The following UIMC1 variants were observed in gnomAD, a reference collection of about 807,000 sequenced individuals.
UIMC1 encodes the protein BRCA1-A complex subunit RAP80.
Under a neutral mutation model 84.9 loss-of-function variants are expected in UIMC1, and 42 were observed. The ratio of observed to expected loss-of-function variants is 0.49; its 90% CI spans 0.39 to 0.64. UIMC1 has a LOEUF of 0.64. Ranked by LOEUF, UIMC1 falls within the 30% of genes least tolerant of loss-of-function variation. The pLI is 0.00. For synonymous variants in UIMC1, 281 were observed against 293.0 expected (o/e 0.96, Z 0.42); for missense variants, 825 against 847.6 (o/e 0.97, Z 0.33).
In UIMC1 at chr5:176,906,032, G is replaced by A. The variant is rs564538998; in HGVS notation, c.1928C>T (p.Ser643Phe). Residue 643 changes from serine (S) to phenylalanine (F), a missense_variant, in exon 14 of 15, where the codon TCT (serine) becomes TTT (phenylalanine). By Grantham distance (155) the Ser-to-Phe change is radical. Coordinates refer to ENST00000511320, the MANE Select transcript of UIMC1 (RefSeq NM_001199298.2). ...TCACCTGAAGGCTCCTGTTTCTGAAGACTTGATGTCTGCATCTGTGATATA... is the reference window on the plus strand; with the variant it reads ...TCACCTGAAGGCTCCTGTTTCTGAAAACTTGATGTCTGCATCTGTGATATA... ...EHKTSDADIKSSETGAFRVPS... is the reference protein window; with the variant it reads ...EHKTSDADIKFSETGAFRVPS... 96 of 1,613,922 alleles carry A rather than the reference G, an allele frequency of 5.9e-5. No homozygotes were observed. Among genetic ancestry groups the A allele is most frequent in the Middle Eastern group, 1.6e-4 (1 of 6,084 alleles).
At chr5:177,002,999 T>C (rs189193789) in intron 1 of UIMC1, among the ~76,000 whole-genome samples, 1 of 151,990 alleles carries the variant, frequency 6.6e-6, no homozygotes, top group African/African-American at 2.4e-5. Context: ...AACTGCTGCT[T>C]GATACAGGAT....
In UIMC1 at chr5:176,968,796, A is replaced by G. The variant is rs367931817; in HGVS notation, c.959T>C (p.Phe320Ser). ...AGGTCTAGGTAACACTGGTTCCCCA[A>G]AACCTTTTTTATTAAGGAGCTGCCT... ...AQRQLLNKKG[F>S]GEPVLPRPPS... Residue 320 changes from phenylalanine (F) to serine (S), a missense_variant, in exon 6 of 15, where the codon TTT (phenylalanine) becomes TCT (serine). Phe to Ser is a radical substitution (Grantham distance 155). Coordinates refer to ENST00000511320, the MANE Select transcript of UIMC1 (RefSeq NM_001199298.2). 1 of 1,614,050 alleles carries G rather than the reference A, an allele frequency of 6.2e-7. No homozygotes were observed. The highest frequency in any genetic ancestry group is 8.5e-7 in the Non-Finnish European group (1 of 1,180,036).
At chr5:177,016,940 TTGAACCCA>T (rs1237327218) in intron 1 of UIMC1, among the ~76,000 whole-genome samples, 1 of 151,510 alleles carries the variant, frequency 6.6e-6, no homozygotes, top group Non-Finnish European at 1.5e-5. Flanking sequence ...GGAGAATCAC[TTGAACCCA>T]GGAGGCAGAG....
At chr5:176,965,473 T>TAA (rs1393634273) in intron 6 of UIMC1, among the ~76,000 whole-genome samples, 1 of 152,072 alleles carries the variant, frequency 6.6e-6, no homozygotes, top group Non-Finnish European at 1.5e-5. Context: ...AGTCCTCTTT[T>TAA]AATTTTTTTA....
chr5:177,021,141 C>T (rs1775800121), intron 1 of UIMC1, among the ~76,000 whole-genome samples: 2 of 151,942 alleles, frequency 1.3e-5, no homozygotes, highest in South Asian at 4.1e-4. Flanking sequence ...AGCTGGGTGC[C>T]GTGGCATGTG....
chr5:176,960,644 CG>C, intron 6 of UIMC1, among the ~76,000 whole-genome samples: 1 of 30,062 alleles, frequency 3.3e-5, no homozygotes, highest in Admixed American at 2.0e-4. Context: ...TCTCCGTCTC[CG>C]TCTCCGTCTC....
At chr5:176,994,204 T>G (rs1773271782) in intron 1 of UIMC1, among the ~76,000 whole-genome samples, 2 of 150,024 alleles carry the variant, frequency 1.3e-5, no homozygotes, top group Non-Finnish European at 3.0e-5. Flanking sequence ...AGACCCTATC[T>G]CAAAAGAAAA....
chr5:176,986,703 T>C (rs1277692699), intron 1 of UIMC1, among the ~76,000 whole-genome samples: 1 of 152,030 alleles, frequency 6.6e-6, no homozygotes, highest in African/African-American at 2.4e-5. Flanking sequence ...TAGCTCAGCA[T>C]GGTGGCATGC....
intron 1 of UIMC1, among the ~76,000 whole-genome samples, chr5:177,005,855 G>A (rs950662419): frequency 6.6e-6 from 1 of 152,056 alleles, no homozygotes; most frequent in Admixed American, 6.6e-5. Context: ...ACTACTGCCC[G>A]GGACTCGCGC....
rs1332094230 is a variant in UIMC1 at position 176,988,396 on chromosome 5, T to C, written c.-8-5773A>G. 3.3e-5 allele frequency among the ~76,000 whole-genome samples: 5 copies of C among 152,162 alleles called. No homozygotes were observed. The East Asian group carries it at 9.7e-4, about 29-fold the overall frequency. On this transcript the variant is annotated intron_variant, in intron 1 of 14. Transcript: ENST00000511320. ...ACAACATGGATGAACCTTGAAAACA[T>C]GCCAAGCGAAAGAAGCCAGACATAA... is the stretch of plus-strand genomic sequence containing the variant.
At chr5:176,908,342 T>C (rs1328430273) in intron 12 of UIMC1, among the ~76,000 whole-genome samples, 181 bp downstream of exon 12, 3 of 152,308 alleles carry the variant, frequency 2.0e-5, no homozygotes, top group African/African-American at 4.8e-5. Flanking sequence ...TTCTCTACAA[T>C]GAACATGTAT....
intron 10 of UIMC1, among the ~76,000 whole-genome samples, chr5:176,925,735 C>T (rs4976665): frequency 0.42 from 64,480 of 151,846 alleles, 13,904 homozygotes; most frequent in East Asian, 0.48. Flanking sequence ...CAGAATTTTA[C>T]AGAAATAAAA....
chr5:176,917,606 A>T (rs1019650410), intron 10 of UIMC1, among the ~76,000 whole-genome samples: 3 of 152,142 alleles, frequency 2.0e-5, no homozygotes, highest in African/African-American at 7.2e-5. Context: ...AAAACAAATT[A>T]TCTATCAGTT....
chr5:176,991,438 T>C (rs2149521815), intron 1 of UIMC1, among the ~76,000 whole-genome samples: 1 of 152,076 alleles, frequency 6.6e-6, no homozygotes, highest in South Asian at 2.1e-4. Flanking sequence ...ATATGAAATC[T>C]GGCAAATTGA....
In UIMC1 at chr5:176,958,109, C is replaced by T. The variant is rs1766840238; in HGVS notation, c.1246G>A (p.Val416Ile). The change falls in exon 7 of 15, where the codon GTA becomes ATA. Residue 416 changes from valine to isoleucine, a missense_variant. Transcript: ENST00000511320. Reference protein sequence around the residue: ...VEETSEEGNSVPASQSVAALT... With the variant: ...VEETSEEGNSIPASQSVAALT... ...ATCTCTCACCTTTGTGAAGCAGGTA[C>T]AGAGTTTCCCTCTTCAGAAGTTTCT... The T allele has an allele frequency of 6.2e-7, 1 of 1,613,684 alleles. No homozygotes were observed. The highest frequency in any genetic ancestry group is 8.5e-7 in the Non-Finnish European group (1 of 1,179,664).
At chr5:176,967,301 A>T (rs1056989077) in intron 6 of UIMC1, among the ~76,000 whole-genome samples, 19 of 152,190 alleles carry the variant, frequency 1.2e-4, no homozygotes, top group Non-Finnish European at 2.4e-4. Context: ...AAAAAAAAAA[A>T]AGATGAAGAA....
chr5:176,956,323 T>C (rs557704745), intron 7 of UIMC1, among the ~76,000 whole-genome samples: 2 of 152,324 alleles, frequency 1.3e-5, no homozygotes, highest in South Asian at 4.1e-4. Flanking sequence ...TGTCTGTGAA[T>C]ATCAGAGAAG....
At chr5:176,976,013 A>C (rs1315504204) in intron 2 of UIMC1, among the ~76,000 whole-genome samples, 1 of 152,122 alleles carries the variant, frequency 6.6e-6, no homozygotes, top group Non-Finnish European at 1.5e-5. Context: ...AGAAAGAAAT[A>C]AAAGGCCAAG....
intron 10 of UIMC1, among the ~76,000 whole-genome samples, chr5:176,914,237 C>T (rs572101202): frequency 7.2e-5 from 11 of 152,064 alleles, no homozygotes; most frequent in East Asian, 3.9e-4. Flanking sequence ...TTGTTGAGAT[C>T]ATCTGCAGTC....
Sources: allele counts gnomAD v4.1 joint callset (sites outside exome capture counted in the v4.1 genomes callset), GRCh38; gene constraint gnomAD v4.1.1; transcripts MANE v1.5; gene names NCBI Gene and HGNC (gene_info 2026-07-23, HGNC 2026-07-21).